STX12: variants seen among roughly 807,000 people sequenced by gnomAD.
The protein encoded by STX12 is syntaxin 12.
A neutral mutation model predicts 42.2 loss-of-function variants in STX12; 17 were observed. The observed-to-expected ratio is 0.40, with a 90% CI of 0.28 to 0.60. The LOEUF (loss-of-function observed/expected upper bound fraction) is 0.60, where lower values mean the gene tolerates loss of function less well. Ranked by LOEUF, STX12 falls within the 20% of genes least tolerant of loss-of-function variation. STX12 has a pLI of 0.39. For synonymous variants in STX12, 108 were observed against 116.7 expected, an observed-to-expected ratio of 0.93 and a Z score of 0.48; for missense variants, 297 against 330.9, an observed-to-expected ratio of 0.90 and a Z score of 0.79.
chr1:27,798,626 C>T (rs1193869634), intron 3 of STX12, among the ~76,000 whole-genome samples: 1 of 129,646 alleles, frequency 7.7e-6, no homozygotes, highest in East Asian at 2.2e-4. Context: ...GCCGGGGTGA[C>T]AGAGCGAGAC....
intron 1 of STX12, among the ~76,000 whole-genome samples, chr1:27,783,247 CTCTTT>C (rs1476331657): frequency 6.6e-6 from 1 of 152,196 alleles, no homozygotes; most frequent in Non-Finnish European, 1.5e-5. Context: ...TTGCTTCATA[CTCTTT>C]TAAAAGTTTT....
At chr1:27,819,574 ACATCAGAAATC>A in intron 7 of STX12, 65 bp from the exon 8 acceptor site, 2 of 1,292,412 alleles carry the variant, frequency 1.5e-6, no homozygotes, top group Non-Finnish European at 2.2e-6. Context: ...AGGACATGTA[ACATCAGAAATC>A]TGTTCAATTT....
At chr1:27,780,652 T>C (rs1344434370) in intron 1 of STX12, among the ~76,000 whole-genome samples, 1 of 152,082 alleles carries the variant, frequency 6.6e-6, no homozygotes, top group Admixed American at 6.6e-5. Flanking sequence ...AGTGAAATTA[T>C]TAAAAGGGGA....
chr1:27,809,152 G>A (rs907942081), intron 4 of STX12, among the ~76,000 whole-genome samples: 3 of 151,952 alleles, frequency 2.0e-5, no homozygotes, highest in Non-Finnish European at 4.4e-5. Context: ...TGGCCAATAT[G>A]GTGAAACCCC....
At chr1:27,821,977 C>G (rs1369565425) in intron 8 of STX12, among the ~76,000 whole-genome samples, 1 of 151,864 alleles carries the variant, frequency 6.6e-6, no homozygotes, top group East Asian at 1.9e-4. Flanking sequence ...AAGATCGCAC[C>G]ACGGCACTCC....
intron 4 of STX12, among the ~76,000 whole-genome samples, chr1:27,804,411 A>G (rs1241350049): frequency 6.9e-6 from 1 of 145,306 alleles, no homozygotes; most frequent in Non-Finnish European, 1.5e-5. Context: ...GGGCAAAAAG[A>G]GTGAAATTCC....
intron 6 of STX12, among the ~76,000 whole-genome samples, chr1:27,813,177 C>CT (rs112069322): frequency 0.011 from 1,619 of 144,128 alleles, 17 homozygotes; most frequent in African/African-American, 0.028. Flanking sequence ...ATAAAATATC[C>CT]TTTTTTTTTT....
At chr1:27,804,215 C>G (rs995346655) in intron 4 of STX12, among the ~76,000 whole-genome samples, 6 of 151,008 alleles carry the variant, frequency 4.0e-5, no homozygotes, top group Non-Finnish European at 7.4e-5. Flanking sequence ...CACCTGAGGT[C>G]AGGAGTTCAA....
intron 6 of STX12, among the ~76,000 whole-genome samples, chr1:27,814,438 A>G (rs768026750): frequency 6.6e-6 from 1 of 151,968 alleles, no homozygotes; most frequent in African/African-American, 2.4e-5. Context: ...CTGAGGCAGA[A>G]GATCACTTGA....
intron 1 of STX12, among the ~76,000 whole-genome samples, chr1:27,785,092 T>G (rs1371968506): frequency 1.3e-5 from 2 of 152,232 alleles, no homozygotes; most frequent in Non-Finnish European, 1.5e-5. Flanking sequence ...TTTTGATAGA[T>G]GATTAATAAC....
At chr1:27,809,285 A>C (rs1571529900) in intron 4 of STX12, among the ~76,000 whole-genome samples, 1 of 22,520 alleles carries the variant, frequency 4.4e-5, no homozygotes, top group African/African-American at 1.8e-4. Context: ...AGTGCAGCCG[A>C]GATCGTGCCA....
At chr1:27,784,447 T>C (rs1218862372) in intron 1 of STX12, among the ~76,000 whole-genome samples, 2 of 152,152 alleles carry the variant, frequency 1.3e-5, no homozygotes, top group Non-Finnish European at 2.9e-5. Flanking sequence ...CTTGAACCCC[T>C]GACCTCAAGT....
At chr1:27,785,294 C>T (rs1040442413) in intron 1 of STX12, among the ~76,000 whole-genome samples, 3 of 152,124 alleles carry the variant, frequency 2.0e-5, no homozygotes, top group Admixed American at 2.0e-4. Flanking sequence ...GAGTAGAATG[C>T]AGTCCCTGCC....
At chr1:27,817,758 C>A in intron 6 of STX12, 93 bp from the exon 7 acceptor site, 1 of 1,053,288 alleles carries the variant, frequency 9.5e-7, no homozygotes, top group Non-Finnish European at 1.4e-6. Flanking sequence ...CTTAAAAACA[C>A]ACGTGTTAAT....
intron 4 of STX12, among the ~76,000 whole-genome samples, chr1:27,809,055 G>A (rs868417673): frequency 1.3e-5 from 2 of 152,200 alleles, no homozygotes; most frequent in Non-Finnish European, 2.9e-5. Context: ...AGGTTAGTGG[G>A]CTGGGCGCTG....
chr1:27,796,363 C>A (rs2088785761), intron 3 of STX12, among the ~76,000 whole-genome samples: 1 of 152,098 alleles, frequency 6.6e-6, no homozygotes, highest in African/African-American at 2.4e-5. Context: ...GTTACCCAGT[C>A]CAGTGGCTTT....
chr1:27,792,165 TGTATATA>T lies in STX12; in HGVS notation c.189-1367_189-1361del, dbSNP rs1409107672. Among the ~76,000 whole-genome samples the T allele has an allele frequency of 3.4e-4, 44 of 131,036 alleles. 2 individuals are homozygous for T. Among genetic ancestry groups the T allele is most frequent in the African/African-American group, 1.4e-3 (42 of 29,552 alleles). The allele number at this position is 131,036 out of a possible 152,430, so 86.0% of individuals were successfully genotyped here. A position where few individuals can be genotyped will look rare whatever the true frequency, so the allele number is the denominator to read the frequency against. ...ATATCTATATATGTGTATCTATATATGTATATACATATATATGTATCTATATATGTAT... is the reference window on the plus strand; with the variant it reads ...ATATCTATATATGTGTATCTATATATCATATATATGTATCTATATATGTAT... On this transcript the variant is annotated intron_variant, in intron 2 of 8. Coordinates refer to ENST00000373943, the MANE Select transcript of STX12 (RefSeq NM_177424.3).
rs181932318 is a variant in STX12, at chr1:27,824,138, A to G, written c.*1809A>G. On this transcript the variant is annotated 3_prime_UTR_variant, in exon 9 of 9. Coordinates refer to ENST00000373943, the MANE Select transcript of STX12 (RefSeq NM_177424.3). ...GCTGTTGGGGTGGCACAGTGGCCCA[A>G]AGAGCAGCTTCAGAGATAATTCCTT... 2.0e-5 allele frequency: 3 copies of G among 152,300 alleles called. No homozygotes were observed. Among genetic ancestry groups the G allele is most frequent in the Admixed American group, 2.0e-4 (3 of 15,300 alleles). 9.4% of individuals were successfully genotyped at this position (152,300 alleles called of 1,614,324 possible). A position where few individuals can be genotyped will look rare whatever the true frequency, so the allele number is the denominator to read the frequency against.
chr1:27,801,381 G>A (rs1358312834), intron 3 of STX12, among the ~76,000 whole-genome samples: 5 of 151,534 alleles, frequency 3.3e-5, no homozygotes, highest in Non-Finnish European at 5.9e-5. Flanking sequence ...TCCAGCCTGG[G>A]CGACAGAGCA....
Sources: gnomAD v4.1 joint callset for allele counts (sites outside exome capture counted in the v4.1 genomes callset) on GRCh38, gnomAD v4.1.1 for gene constraint, MANE v1.5 for transcripts, NCBI Gene and HGNC (gene_info 2026-07-23, HGNC 2026-07-21) for gene names.